The following PRDM15 variants were observed in gnomAD, a reference collection of about 807,000 sequenced individuals.
PRDM15 encodes PR domain zinc finger protein 15.
Under a neutral mutation model 128.6 loss-of-function variants are expected in PRDM15, and 64 were observed. The ratio of observed to expected loss-of-function variants is 0.50; its 90% confidence interval spans 0.41 to 0.61. The LOEUF (loss-of-function observed/expected upper bound fraction) is 0.61, where lower values mean the gene tolerates loss of function less well. Among genes scored for constraint, PRDM15 ranks in the 20% least tolerant of loss-of-function variants. The pLI is 0.00. For synonymous variants in PRDM15, 615 were observed against 621.8 expected (o/e 0.99, Z 0.16); for missense variants, 1,242 against 1,569.1 (o/e 0.79, Z 3.52).
At chr21:41,839,916 T>A (rs2063022146) in intron 6 of PRDM15, 63 bp from the exon 7 acceptor site, 1 of 1,378,422 alleles carries the variant, frequency 7.3e-7, no homozygotes. Context: ...ACACCCACCC[T>A]GGCCTCTGGT....
intron 18 of PRDM15, among the ~76,000 whole-genome samples, chr21:41,816,476 A>G (rs2062057090): frequency 6.6e-6 from 1 of 152,130 alleles, no homozygotes. Flanking sequence ...GACCCAGCCC[A>G]AAGGCAGCCT....
At chr21:41,808,199 C>G (rs887946809) in intron 21 of PRDM15, among the ~76,000 whole-genome samples, 6 of 152,206 alleles carry the variant, frequency 3.9e-5, no homozygotes, top group Non-Finnish European at 8.8e-5. Context: ...GCAGGGCCTG[C>G]CCTGCCCCTG....
chr21:41,879,013 C>A lies in PRDM15; in HGVS notation c.-10+257G>T, dbSNP rs2064537567. ...GGCGGGACCCGGCGGGCGGGCGGCGCGCAGGGCGATCCCGGAGCGGCTCCG... is the reference window on the plus strand; with the variant it reads ...GGCGGGACCCGGCGGGCGGGCGGCGAGCAGGGCGATCCCGGAGCGGCTCCG... On this transcript the variant is annotated intron_variant, in intron 1 of 23. Coordinates refer to ENST00000398548, the MANE Select transcript of PRDM15 (RefSeq NM_001040424.3). The surrounding 1 kb of genome is among the most constrained non-coding windows in gnomAD (Gnocchi z 5.1). The A allele has an allele frequency of 1.9e-6, 2 of 1,042,764 alleles. No individual in the cohort carries two copies. The highest frequency in any genetic ancestry group is 3.0e-5 in the South Asian group (1 of 33,180). 64.6% of individuals were successfully genotyped at this position (1,042,764 alleles called of 1,614,324 possible).
intron 1 of PRDM15, chr21:41,871,436 G>C (rs2064205596): frequency 7.7e-7 from 1 of 1,296,106 alleles, no homozygotes. Context: ...CATTGTTAAA[G>C]CCACAGGCTG....
At chr21:41,808,836 A>G in intron 21 of PRDM15, among the ~76,000 whole-genome samples, 1 of 152,232 alleles carries the variant, frequency 6.6e-6, no homozygotes. Context: ...AACTATCACT[A>G]ATTGAATCAC....
rs2061389220 is a variant in PRDM15, at chr21:41,800,452, A to T, written c.*788T>A. 1 of 152,378 alleles carries T rather than the reference A, an allele frequency of 6.6e-6. No individual in the cohort carries two copies. Among genetic ancestry groups the T allele is most frequent in the Admixed American group, 6.6e-5 (1 of 15,266 alleles). 9.4% of individuals were successfully genotyped at this position (152,378 alleles called of 1,614,324 possible). A position where few individuals can be genotyped will look rare whatever the true frequency, so the allele number is the denominator to read the frequency against. ...TATCATGTTAACATAAAACTAAAAC[A>T]CAATATTGGCCATAACAGTCTTGAA... On this transcript the variant is annotated 3_prime_UTR_variant, in exon 24 of 24. Transcript: ENST00000398548.
At position 41,857,044 on chromosome 21, in the gene PRDM15, C is replaced by T. The variant is rs996465737; in HGVS notation, c.285+132G>A. 4.8e-5 allele frequency: 36 copies of T among 754,638 alleles called. No homozygotes were observed. The Admixed American group carries it at 9.2e-4, about 19-fold the overall frequency. The allele number at this position is 754,638 out of a possible 1,614,324, so 46.7% of individuals were successfully genotyped here. On this transcript the variant is annotated intron_variant, in intron 4 of 23. Transcript: ENST00000398548. ...AACATTTTCTTGGAAATTAAGCAGA[C>T]CTACAATATTTGGAGCTGTTTTTGA...
At chr21:41,814,859 G>C (rs1402945815) in intron 19 of PRDM15, 1 of 143,610 alleles carries the variant, frequency 7.0e-6, no homozygotes, top group Admixed American at 7.1e-5. Flanking sequence ...CGGTGCTCTA[G>C]TGTTTTATGA....
chr21:41,818,745 C>T (rs1304660754), intron 18 of PRDM15, among the ~76,000 whole-genome samples: 1 of 151,962 alleles, frequency 6.6e-6, no homozygotes, highest in African/African-American at 2.4e-5. Context: ...CCAAGACAAA[C>T]CTGCTGCTCC....
At chr21:41,816,694 G>T (rs78397102) in intron 18 of PRDM15, among the ~76,000 whole-genome samples, 15 of 152,216 alleles carry the variant, frequency 9.9e-5, no homozygotes, top group Non-Finnish European at 1.8e-4. Context: ...AATTCTAAAG[G>T]CCGGGCCAGA....
intron 13 of PRDM15, among the ~76,000 whole-genome samples, chr21:41,825,686 A>G (rs2062444070): frequency 6.6e-6 from 1 of 152,222 alleles, no homozygotes; most frequent in Admixed American, 6.5e-5. Flanking sequence ...GCCAGGGAGC[A>G]GCTCAGGAGG....
chr21:41,861,802 A>G (rs1301673987), intron 1 of PRDM15: 1 of 1,596,270 alleles, frequency 6.3e-7, no homozygotes, highest in African/African-American at 1.3e-5. Context: ...TGAGTTAGCT[A>G]CAAGGAAGTG....
At position 41,862,780 on chromosome 21, in the gene PRDM15, G is replaced by A. The variant is rs546414697; in HGVS notation, c.-9-2408C>T. On this transcript the variant is annotated intron_variant, in intron 1 of 23. Coordinates refer to ENST00000398548, the MANE Select transcript of PRDM15 (RefSeq NM_001040424.3). The surrounding 1 kb of genome is among the most constrained non-coding windows in gnomAD (Gnocchi z 4.1). Reference sequence around the variant, plus strand: ...AGAAAGTGCCTTCATAGAAGGGGAAGTGTGGTCTCCAGACCTCTAAGGCAC... The same window carrying A: ...AGAAAGTGCCTTCATAGAAGGGGAAATGTGGTCTCCAGACCTCTAAGGCAC... Among the ~76,000 whole-genome samples the A allele has an allele frequency of 8.5e-5, 13 of 152,292 alleles. No individual in the cohort carries two copies. Among genetic ancestry groups the A allele is most frequent in the Admixed American group, 3.3e-4 (5 of 15,296 alleles).
chr21:41,835,970 CCCA>C lies in PRDM15; in HGVS notation c.1278+140_1278+142del, dbSNP rs1601302542. The C allele has an allele frequency of 2.7e-4, 86 of 320,478 alleles. 11 individuals are homozygous for C. The highest frequency in any genetic ancestry group is 1.6e-3 in the South Asian group (53 of 32,816). The allele number at this position is 320,478 out of a possible 1,614,324, so 19.9% of individuals were successfully genotyped here. A position where few individuals can be genotyped will look rare whatever the true frequency, so the allele number is the denominator to read the frequency against. On this transcript the variant is annotated intron_variant, in intron 10 of 23. Coordinates refer to ENST00000398548, the MANE Select transcript of PRDM15 (RefSeq NM_001040424.3). ...TCTCCTCCCTCCCCCACAGCCCCCG[CCCA>C]CTCTCCTCCCTCCCCCACAGCCCCC...
chr21:41,833,485 TA>T (rs1281716287), intron 11 of PRDM15, among the ~76,000 whole-genome samples: 3 of 152,212 alleles, frequency 2.0e-5, no homozygotes, highest in Non-Finnish European at 2.9e-5. Flanking sequence ...ATTCTTGGTT[TA>T]ATTCTTGGTA....
At chr21:41,817,392 C>G (rs894711935) in intron 18 of PRDM15, among the ~76,000 whole-genome samples, 4 of 152,194 alleles carry the variant, frequency 2.6e-5, no homozygotes, top group Non-Finnish European at 5.9e-5. Context: ...TCCACACACA[C>G]AGAAAACCTA....
chr21:41,806,944 A>G (rs1206856835), intron 21 of PRDM15, among the ~76,000 whole-genome samples: 1 of 133,154 alleles, frequency 7.5e-6, no homozygotes, highest in Non-Finnish European at 1.8e-5. Flanking sequence ...CATCACCACC[A>G]CCATCTCCAC....
intron 3 of PRDM15, among the ~76,000 whole-genome samples, chr21:41,858,355 G>C (rs993501770): frequency 1.3e-5 from 2 of 152,118 alleles, no homozygotes; most frequent in Admixed American, 1.3e-4. Context: ...AGGCCCCTCC[G>C]ACAGAGGCGG....
At chr21:41,819,541 C>A in intron 18 of PRDM15, 41 bp downstream of exon 18, 1 of 1,504,286 alleles carries the variant, frequency 6.6e-7, no homozygotes, top group Non-Finnish European at 9.0e-7. Context: ...AGCAGGGTGG[C>A]CTGGCTGAGC....
Sources: gnomAD v4.1 joint callset for allele counts (sites outside exome capture counted in the v4.1 genomes callset) on GRCh38, gnomAD v4.1.1 for gene constraint, Gnocchi (gnomAD v3.1) non-coding constraint, MANE v1.5 for transcripts, NCBI Gene and HGNC (gene_info 2026-07-23, HGNC 2026-07-21) for gene names.